CACNA2D1: variants seen among roughly 807,000 people sequenced by gnomAD.
CACNA2D1 encodes the protein voltage-dependent calcium channel subunit alpha-2/delta-1.
In CACNA2D1, 53 loss-of-function variants were observed where a neutral mutation model predicts 171.5. The ratio of observed to expected loss-of-function variants is 0.31; its 90% CI spans 0.25 to 0.39. The LOEUF (loss-of-function observed/expected upper bound fraction) is 0.39, where lower values mean the gene tolerates loss of function less well. CACNA2D1 is among the 10% of genes least tolerant of loss of function. The probability of loss-of-function intolerance (pLI) is 1.00; values close to 1 mark genes in which losing one functional copy is unlikely to be tolerated. For synonymous variants in CACNA2D1, 442 were observed against 443.1 expected, an observed-to-expected ratio of 1.00 and a Z score of 0.03; for missense variants, 903 against 1,299.8, an observed-to-expected ratio of 0.69 and a Z score of 4.69.
intron 1 of CACNA2D1, among the ~76,000 whole-genome samples, chr7:82,369,764 A>T (rs2040975): frequency 0.99 from 150,008 of 152,064 alleles, 73,976 homozygotes; most frequent in East Asian, 1. Flanking sequence ...ATAAATTAAG[A>T]GTGAACATCA....
At chr7:82,441,862 G>C (rs993335241) in intron 1 of CACNA2D1, among the ~76,000 whole-genome samples, 1 of 152,146 alleles carries the variant, frequency 6.6e-6, no homozygotes, top group Admixed American at 6.6e-5. Context: ...GCAACAAACA[G>C]ACTTAAAAAA....
At chr7:82,332,561 A>AGAAC (rs1491251335) in intron 3 of CACNA2D1, among the ~76,000 whole-genome samples, 38 of 140,564 alleles carry the variant, frequency 2.7e-4, no homozygotes, top group African/African-American at 9.0e-4. Context: ...AAAGAAAGAA[A>AGAAC]GAAAGAACGA....
intron 12 of CACNA2D1, among the ~76,000 whole-genome samples, chr7:82,025,676 T>C (rs2131072651): frequency 6.6e-6 from 1 of 151,904 alleles, no homozygotes; most frequent in East Asian, 1.9e-4. Flanking sequence ...GATTTCAATC[T>C]GAATTTGTTA....
chr7:82,389,928 G>C (rs189061457), intron 1 of CACNA2D1, among the ~76,000 whole-genome samples: 2 of 152,242 alleles, frequency 1.3e-5, no homozygotes, highest in South Asian at 4.1e-4. Context: ...TATATCTCAC[G>C]TGTTCTTTGT....
In CACNA2D1 at chr7:82,056,555, G is replaced by A. The variant is rs181285074; in HGVS notation, c.879+3873C>T. Among the ~76,000 whole-genome samples the A allele has an allele frequency of 3.5e-4, 53 of 152,204 alleles. 1 individual carries two copies. The East Asian group carries it at 9.7e-3, about 28-fold the overall frequency. On this transcript the variant is annotated intron_variant, in intron 10 of 38. Coordinates refer to ENST00000356860, the MANE Select transcript of CACNA2D1 (RefSeq NM_000722.4). ...GAATGGAGGAGCTTGATAGTAGAGA[G>A]AGAGGATACACATGGGCCTAAAAGC... is the stretch of plus-strand genomic sequence containing the variant.
intron 5 of CACNA2D1, among the ~76,000 whole-genome samples, chr7:82,127,369 C>T (rs1184644220): frequency 6.6e-6 from 1 of 152,184 alleles, no homozygotes. Context: ...GCAAAATTAA[C>T]ATTTTCATTT....
intron 3 of CACNA2D1, among the ~76,000 whole-genome samples, chr7:82,268,920 CAG>C (rs1217923339): frequency 6.6e-6 from 1 of 152,128 alleles, no homozygotes; most frequent in Non-Finnish European, 1.5e-5. Context: ...ATTGAAAAGA[CAG>C]TGGTTCTGGC....
rs200733824 is a variant in CACNA2D1, at chr7:82,078,015, G to GA, written c.658+6753dup. 9.5e-3 allele frequency among the ~76,000 whole-genome samples: 1,439 copies of GA among 151,022 alleles called. 17 individuals are homozygous for GA. Among genetic ancestry groups the GA allele is most frequent in the African/African-American group, 0.033 (1,357 of 41,202 alleles). The stretch of plus-strand genomic sequence containing the variant: ...TTAAGAGCTATTGGCTACCTGTATG[G>GA]AAAAAAAAAGTCATTCCATATACTT... On this transcript the variant is annotated intron_variant, in intron 7 of 38. Coordinates refer to ENST00000356860, the MANE Select transcript of CACNA2D1 (RefSeq NM_000722.4).
At chr7:82,130,084 G>T (rs1202257894) in intron 5 of CACNA2D1, among the ~76,000 whole-genome samples, 1 of 152,174 alleles carries the variant, frequency 6.6e-6, no homozygotes, top group Admixed American at 6.5e-5. Flanking sequence ...CTATACTTCA[G>T]AACATTCCTT....
intron 3 of CACNA2D1, among the ~76,000 whole-genome samples, chr7:82,275,991 A>C (rs1809266772): frequency 6.6e-6 from 1 of 152,116 alleles, no homozygotes; most frequent in Non-Finnish European, 1.5e-5. Context: ...CAAATAAGTT[A>C]ATTACTTAAC....
intron 3 of CACNA2D1, among the ~76,000 whole-genome samples, chr7:82,312,233 G>T: frequency 6.6e-6 from 1 of 152,062 alleles, no homozygotes; most frequent in Non-Finnish European, 1.5e-5. Flanking sequence ...CCAGCTCACT[G>T]AAATTTTTCT....
At chr7:82,324,452 C>T (rs868606107) in intron 3 of CACNA2D1, among the ~76,000 whole-genome samples, 6 of 150,246 alleles carry the variant, frequency 4.0e-5, no homozygotes, top group Non-Finnish European at 5.9e-5. Context: ...CAAAATGTTA[C>T]GAAAATTAAA....
In CACNA2D1 at chr7:82,380,763, C is replaced by T. The variant is rs562342569; in HGVS notation, c.96-31114G>A. On this transcript the variant is annotated intron_variant, in intron 1 of 38. Transcript: ENST00000356860. ...ACACTGGTGTGCGGTGGCATGATCTCGGCTCACTGCGACCTCCGCCTGCCA... is the reference window on the plus strand; with the variant it reads ...ACACTGGTGTGCGGTGGCATGATCTTGGCTCACTGCGACCTCCGCCTGCCA... 8.5e-5 allele frequency among the ~76,000 whole-genome samples: 13 copies of T among 152,082 alleles called. 1 individual carries two copies. In the East Asian group the frequency reaches 1.4e-3, roughly 16 times the overall value.
At chr7:82,064,379 C>T in intron 8 of CACNA2D1, 25 bp from the exon 9 acceptor site, 3 of 1,535,902 alleles carry the variant, frequency 2.0e-6, no homozygotes, top group Non-Finnish European at 2.7e-6. Context: ...GTAATAAATG[C>T]TTTTCTCTTC....
chr7:82,208,736 A>G (rs759545129), intron 3 of CACNA2D1, among the ~76,000 whole-genome samples: 1 of 152,178 alleles, frequency 6.6e-6, no homozygotes, highest in Non-Finnish European at 1.5e-5. Context: ...ACAACGTTTT[A>G]GTATGGAGGA....
chr7:82,179,061 C>T (rs1796845230), intron 3 of CACNA2D1, among the ~76,000 whole-genome samples: 1 of 152,150 alleles, frequency 6.6e-6, no homozygotes, highest in Non-Finnish European at 1.5e-5. Context: ...AAGCTGTCCT[C>T]CTACACGACA....
intron 1 of CACNA2D1, among the ~76,000 whole-genome samples, chr7:82,369,844 A>G (rs1822172232): frequency 6.6e-6 from 1 of 152,130 alleles, no homozygotes; most frequent in African/African-American, 2.4e-5. Context: ...AAACAAAAAG[A>G]AAACCATTCA....
At chr7:81,990,174 A>G (rs1797399332) in intron 21 of CACNA2D1, among the ~76,000 whole-genome samples, 1 of 152,200 alleles carries the variant, frequency 6.6e-6, no homozygotes, top group Admixed American at 6.6e-5. Flanking sequence ...AGTGTTTTCC[A>G]TGGACCTAGC....
rs547466890 is a variant in CACNA2D1 at position 82,184,237 on chromosome 7, T to C, written c.295-13628A>G. On this transcript the variant is annotated intron_variant, in intron 3 of 38. Coordinates refer to ENST00000356860, the MANE Select transcript of CACNA2D1 (RefSeq NM_000722.4). ...GTATCACATTCTGTGGCAAAGAGTG[T>C]ACTATATGCCCCTCTCACTTTGTAA... Among the ~76,000 whole-genome samples the C allele has an allele frequency of 2.9e-4, 44 of 150,494 alleles. No homozygotes were observed. The South Asian group carries it at 9.0e-3, about 31-fold the overall frequency.
Sources: allele counts gnomAD v4.1 joint callset (sites outside exome capture counted in the v4.1 genomes callset), GRCh38; gene constraint gnomAD v4.1.1; transcripts MANE v1.5; gene names NCBI Gene and HGNC (gene_info 2026-07-23, HGNC 2026-07-21).